MED12L: variants seen among roughly 807,000 people sequenced by gnomAD.
MED12L encodes the protein mediator of RNA polymerase II transcription subunit 12-like protein.
MED12L carries 60 observed loss-of-function variants against 281.3 expected under a neutral mutation model. The observed-to-expected ratio is 0.21, with a 90% CI of 0.17 to 0.26. The LOEUF is 0.26. MED12L is among the 10% of genes least tolerant of loss of function. The pLI is 1.00. For synonymous variants in MED12L, 974 were observed against 987.2 expected, an observed-to-expected ratio of 0.99 and a Z score of 0.25; for missense variants, 2,146 against 2,680.9, an observed-to-expected ratio of 0.80 and a Z score of 4.41.
Position 151,178,181 on chromosome 3 carries a change from A to AAAAAAAAAAAAAAAAAG in MED12L, c.1495-7146_1495-7145insAAAAAAAAAAAAAGAAA, listed in dbSNP as rs1560124057. Among the ~76,000 whole-genome samples, 6 of 149,328 alleles carry AAAAAAAAAAAAAAAAAG rather than the reference A, an allele frequency of 4.0e-5. No individual in the cohort carries two copies. The East Asian group carries it at 6.0e-4, about 15-fold the overall frequency. ...TCAAAAAAAAAAAAAAAAAAAAAAA[A>AAAAAAAAAAAAAAAAAG]AAAGAAAGTGCCAATATGAAAAGCT... is the stretch of plus-strand genomic sequence containing the variant. On this transcript the variant is annotated intron_variant, in intron 11 of 44. Transcript: ENST00000687756.
chr3:151,176,058 A>G (rs1018282000), intron 11 of MED12L, among the ~76,000 whole-genome samples: 4 of 152,098 alleles, frequency 2.6e-5, no homozygotes, highest in African/African-American at 7.2e-5. Context: ...CATTCTTGAT[A>G]TTAAGTTTCG....
At chr3:151,158,990 A>G (rs746480418) in intron 7 of MED12L, among the ~76,000 whole-genome samples, 191 bp downstream of exon 7, 11 of 152,256 alleles carry the variant, frequency 7.2e-5, no homozygotes, top group African/African-American at 2.7e-4. Flanking sequence ...TGTGTTAACC[A>G]TGTTGGTAGT....
chr3:151,302,743 C>T (rs1484431240), intron 16 of MED12L, among the ~76,000 whole-genome samples: 1 of 152,112 alleles, frequency 6.6e-6, no homozygotes, highest in African/African-American at 2.4e-5. Flanking sequence ...GGAATCTCTG[C>T]TACTTCTTCA....
intron 16 of MED12L, among the ~76,000 whole-genome samples, chr3:151,289,873 C>T (rs1389625188): frequency 3.4e-5 from 5 of 148,014 alleles, no homozygotes; most frequent in Admixed American, 6.8e-5. Context: ...TGAATATTCT[C>T]GAACACAATT....
chr3:151,317,436 CTTTTTT>C (rs1164820615), intron 16 of MED12L, among the ~76,000 whole-genome samples: 39 of 58,724 alleles, frequency 6.6e-4, no homozygotes, highest in African/African-American at 2.2e-3. Flanking sequence ...AATCATATCA[CTTTTTT>C]TTTTTTTTTT....
At chr3:151,408,709 A>G (rs547831722) in intron 39 of MED12L, among the ~76,000 whole-genome samples, 10 of 152,262 alleles carry the variant, frequency 6.6e-5, no homozygotes, top group Non-Finnish European at 1.5e-4. Flanking sequence ...TTAACTTACA[A>G]AATTTATCGA....
intron 5 of MED12L, among the ~76,000 whole-genome samples, chr3:151,149,670 G>T (rs985683727): frequency 6.6e-6 from 1 of 152,180 alleles, no homozygotes; most frequent in Non-Finnish European, 1.5e-5. Context: ...AGAATTCTAT[G>T]TAGCATGTGA....
intron 16 of MED12L, among the ~76,000 whole-genome samples, chr3:151,253,980 TTTG>T (rs1186412649): frequency 2.0e-5 from 3 of 147,254 alleles, no homozygotes; most frequent in Non-Finnish European, 3.0e-5. Context: ...ATACCTTCTT[TTTG>T]TTTTGATTTT....
At chr3:151,372,857 G>A (rs192253302) in intron 27 of MED12L, 91 bp downstream of exon 27, 1 of 926,690 alleles carries the variant, frequency 1.1e-6, no homozygotes, top group Admixed American at 2.6e-5. Context: ...GTGCATAGGT[G>A]GGCCTTTTTT....
chr3:151,376,825 A>G lies in MED12L; in HGVS notation c.4079A>G (p.Gln1360Arg). ...LQNLEQWTLR[Q>R]SWLELQLMIK... is the part of the protein sequence containing the mutation. Reference sequence around the variant, plus strand: ...AATCTTGAGCAGTGGACACTGAGGCAATCCTGGTTAGAACTCCAGCTAATG... The same window carrying G: ...AATCTTGAGCAGTGGACACTGAGGCGATCCTGGTTAGAACTCCAGCTAATG... The change falls in exon 29 of 45, where the codon CAA becomes CGA. Residue 1360 changes from glutamine to arginine, a missense_variant. Coordinates refer to ENST00000687756, the MANE Select transcript of MED12L (RefSeq NM_001393769.1). The G allele has an allele frequency of 3.7e-6, 6 of 1,614,052 alleles. No homozygotes were observed. The highest frequency in any genetic ancestry group is 5.1e-6 in the Non-Finnish European group (6 of 1,179,926).
intron 16 of MED12L, among the ~76,000 whole-genome samples, chr3:151,317,400 A>G (rs898749623): frequency 6.7e-6 from 1 of 149,582 alleles, no homozygotes; most frequent in Non-Finnish European, 1.5e-5. Context: ...GCTTTAAAAA[A>G]GCATCCAACA....
At chr3:151,429,572 T>G (rs1251505300) in intron 43 of MED12L, among the ~76,000 whole-genome samples, 5 of 152,218 alleles carry the variant, frequency 3.3e-5, no homozygotes, top group Admixed American at 2.0e-4. Flanking sequence ...AAAAGTAATT[T>G]TGCTTCTGGT....
At chr3:151,091,971 A>G (rs1244904923) in intron 2 of MED12L, among the ~76,000 whole-genome samples, 1 of 152,228 alleles carries the variant, frequency 6.6e-6, no homozygotes, top group Non-Finnish European at 1.5e-5. Context: ...GCAGCACTCA[A>G]CACAGGTCAG....
At chr3:151,193,431 G>A (rs1724242647) in intron 15 of MED12L, 59 bp from the exon 16 acceptor site, 3 of 1,398,406 alleles carry the variant, frequency 2.1e-6, no homozygotes, top group Admixed American at 3.6e-5. Flanking sequence ...ATGTAGCACT[G>A]TGGTTTGGTT....
intron 5 of MED12L, among the ~76,000 whole-genome samples, chr3:151,141,457 G>A (rs1395726030): frequency 6.6e-6 from 1 of 152,118 alleles, no homozygotes; most frequent in Non-Finnish European, 1.5e-5. Flanking sequence ...TTAACCAAAT[G>A]GGGGCTGTGC....
chr3:151,176,383 G>C (rs1722054287), intron 11 of MED12L, among the ~76,000 whole-genome samples: 1 of 151,916 alleles, frequency 6.6e-6, no homozygotes, highest in African/African-American at 2.4e-5. Flanking sequence ...TACTTGCCTA[G>C]GGAAAAAATA....
At chr3:151,186,603 A>G (rs1380819618) in intron 12 of MED12L, among the ~76,000 whole-genome samples, 1 of 152,174 alleles carries the variant, frequency 6.6e-6, no homozygotes, top group Non-Finnish European at 1.5e-5. Flanking sequence ...CAGTCTTTGC[A>G]TGGCCAGCCT....
At chr3:151,092,873 G>A (rs1720241736) in intron 2 of MED12L, among the ~76,000 whole-genome samples, 1 of 152,172 alleles carries the variant, frequency 6.6e-6, no homozygotes. Flanking sequence ...TCATGCCTCA[G>A]GTGACTCTTA....
In MED12L at chr3:151,289,513, T is replaced by G. The variant is rs368986596; in HGVS notation, c.2251-60546T>G. Among the ~76,000 whole-genome samples, 51 of 152,292 alleles carry G rather than the reference T, an allele frequency of 3.3e-4. 1 individual carries two copies. Among genetic ancestry groups the G allele is most frequent in the African/African-American group, 1.2e-3 (49 of 41,566 alleles). ...TCGTTGGGTAATTGACAGATGGCTT[T>G]CTGTGTTACGAAAGATATTTTGCTT... is the stretch of plus-strand genomic sequence containing the variant. On this transcript the variant is annotated intron_variant, in intron 16 of 44. Coordinates refer to ENST00000687756, the MANE Select transcript of MED12L (RefSeq NM_001393769.1).
Sources: gnomAD v4.1 joint callset for allele counts (sites outside exome capture counted in the v4.1 genomes callset) on GRCh38, gnomAD v4.1.1 for gene constraint, MANE v1.5 for transcripts, NCBI Gene and HGNC (gene_info 2026-07-23, HGNC 2026-07-21) for gene names.